Variants in NLRP9 observed in about 807,000 individuals in gnomAD.
NLRP9 encodes NACHT, LRR and PYD domains-containing protein 9.
A neutral mutation model predicts 83.1 loss-of-function variants in NLRP9; 88 were observed. The observed-to-expected ratio is 1.06, with a 90% CI of 0.89 to 1.26. NLRP9 has a LOEUF of 1.26. Ranked by LOEUF, NLRP9 falls within the 50% of genes most tolerant of loss-of-function variation. The pLI is 0.00. For synonymous variants in NLRP9, 521 were observed against 447.6 expected (o/e 1.16, Z -2.07); for missense variants, 1,308 against 1,179.3 (o/e 1.11, Z -1.60).
At chr19:55,726,785 G>C (rs1988416348) in intron 3 of NLRP9, among the ~76,000 whole-genome samples, 1 of 152,142 alleles carries the variant, frequency 6.6e-6, no homozygotes, top group Non-Finnish European at 1.5e-5. Flanking sequence ...TTGAAGGAAT[G>C]AGCTCTGGCT....
intron 8 of NLRP9, chr19:55,711,304 TA>T: frequency 1.1e-6 from 1 of 933,822 alleles, no homozygotes; most frequent in South Asian, 4.0e-5. Context: ...AAAATTAACA[TA>T]AAAAATTCAT....
Position 55,711,977 on chromosome 19 carries a change from A to C in NLRP9, c.2673-7T>G, listed in dbSNP as rs1201582245. ...GATCGGACACGTTTGCAGCCTGCAA[A>C]AGGGAAACACACCAGAGAATCCACT... On this transcript the variant is annotated splice_polypyrimidine_tract_variant and splice_region_variant and intron_variant, in intron 7 of 8. Coordinates refer to ENST00000332836, the MANE Select transcript of NLRP9 (RefSeq NM_176820.4). 7.4e-6 allele frequency: 12 copies of C among 1,611,340 alleles called. No homozygotes were observed. The highest frequency in any genetic ancestry group is 1.0e-5 in the Non-Finnish European group (12 of 1,178,730).
chr19:55,720,790 C>A (rs73933319), intron 4 of NLRP9, among the ~76,000 whole-genome samples: 2,559 of 152,210 alleles, frequency 0.017, 85 homozygotes, highest in African/African-American at 0.058. Context: ...ATTCATTCCG[C>A]AATATAAGAA....
In NLRP9 at chr19:55,711,966, G is replaced by A. The variant is rs754854135; in HGVS notation, c.2677C>T (p.Gln893Ter). Residue 893 changes from glutamine (Q) to a stop codon, truncating the protein, a stop_gained, in exon 8 of 9, where the codon CAA becomes TAA. Coordinates refer to ENST00000332836, the MANE Select transcript of NLRP9 (RefSeq NM_176820.4). LOFTEE classifies it high-confidence loss of function. ...PHCKLECLGL[Q>*]TCPITRACCD... ...CAGGCACGGGTGATCGGACACGTTT[G>A]CAGCCTGCAAAAGGGAAACACACCA... 1.1e-5 allele frequency: 17 copies of A among 1,612,136 alleles called. No homozygotes were observed. The highest frequency in any genetic ancestry group is 1.4e-5 in the Non-Finnish European group (16 of 1,179,378).
intron 3 of NLRP9, among the ~76,000 whole-genome samples, chr19:55,727,993 A>G (rs1988449936): frequency 6.6e-6 from 1 of 152,200 alleles, no homozygotes; most frequent in Non-Finnish European, 1.5e-5. Flanking sequence ...AGAAGCTTCC[A>G]AGAGTCCTCT....
intron 4 of NLRP9, among the ~76,000 whole-genome samples, chr19:55,717,271 G>T (rs907526096): frequency 1.3e-5 from 2 of 152,078 alleles, no homozygotes; most frequent in Non-Finnish European, 2.9e-5. Flanking sequence ...GACCTCAAGA[G>T]ATCTGCCCAC....
At chr19:55,717,282 C>A (rs1027827403) in intron 4 of NLRP9, among the ~76,000 whole-genome samples, 9 of 152,280 alleles carry the variant, frequency 5.9e-5, no homozygotes, top group African/African-American at 2.2e-4. Context: ...ATCTGCCCAC[C>A]TCGGCCTCCC....
At chr19:55,725,735 A>G (rs1184825672) in intron 3 of NLRP9, among the ~76,000 whole-genome samples, 1 of 152,138 alleles carries the variant, frequency 6.6e-6, no homozygotes, top group Non-Finnish European at 1.5e-5. Flanking sequence ...ACATGAAAAC[A>G]GGGAACCCAG....
At chr19:55,714,674 T>C (rs999950990) in intron 6 of NLRP9, among the ~76,000 whole-genome samples, 2 of 152,106 alleles carry the variant, frequency 1.3e-5, no homozygotes, top group African/African-American at 4.8e-5. Flanking sequence ...AACGGGTCCC[T>C]TATAGACAAC....
At chr19:55,726,244 T>C in intron 3 of NLRP9, among the ~76,000 whole-genome samples, 1 of 151,934 alleles carries the variant, frequency 6.6e-6, no homozygotes, top group Non-Finnish European at 1.5e-5. Flanking sequence ...GGGAAAACAG[T>C]CACAAAGATG....
intron 5 of NLRP9, among the ~76,000 whole-genome samples, 198 bp from the exon 6 acceptor site, chr19:55,715,423 G>A (rs979215911): frequency 6.6e-6 from 1 of 152,124 alleles, no homozygotes; most frequent in Non-Finnish European, 1.5e-5. Flanking sequence ...GGTGCCTCAC[G>A]CCTGTCATCC....
chr19:55,729,539 T>A (rs1000697753), intron 3 of NLRP9, among the ~76,000 whole-genome samples: 4 of 152,200 alleles, frequency 2.6e-5, no homozygotes, highest in African/African-American at 9.7e-5. Context: ...TCCAGCTTCG[T>A]CCATGTTCCT....
intron 4 of NLRP9, among the ~76,000 whole-genome samples, chr19:55,721,966 G>A (rs376460915): frequency 6.6e-6 from 1 of 152,142 alleles, no homozygotes; most frequent in Non-Finnish European, 1.5e-5. Flanking sequence ...CCAGTGTTGG[G>A]TATGTCTATC....
rs1007737047 is a variant in NLRP9 at position 55,734,579 on chromosome 19, A to G, written c.281-1029T>C. The stretch of plus-strand genomic sequence containing the variant: ...CACACACATATATACACACATATAC[A>G]TATATACACATATATACATACACAT... On this transcript the variant is annotated intron_variant, in intron 1 of 8. Coordinates refer to ENST00000332836, the MANE Select transcript of NLRP9 (RefSeq NM_176820.4). Among the ~76,000 whole-genome samples, 51 of 145,990 alleles carry G rather than the reference A, an allele frequency of 3.5e-4. 1 individual carries two copies. The highest frequency in any genetic ancestry group is 1.2e-3 in the African/African-American group (48 of 39,078).
At chr19:55,720,551 A>C (rs1988193046) in intron 4 of NLRP9, among the ~76,000 whole-genome samples, 1 of 152,052 alleles carries the variant, frequency 6.6e-6, no homozygotes, top group Non-Finnish European at 1.5e-5. Context: ...GCTGGTCTCC[A>C]ACTCCTGGCC....
chr19:55,709,022 C>A lies in NLRP9; in HGVS notation c.2866G>T (p.Glu956Ter). The change falls in exon 9 of 9, where the codon GAA becomes TAA. Residue 956 changes from glutamate (E) to a stop codon, truncating the protein, a stop_gained. Coordinates refer to ENST00000332836, the MANE Select transcript of NLRP9 (RefSeq NM_176820.4). LOFTEE classifies it low-confidence loss of function (END_TRUNC). ...MLGLHKSGFD[E>*]ETQKILMSVE... ...GACATCAGGATCTTCTGAGTTTCTT[C>A]ATCAAAGCCAGATTTGTGCAGCCTG... The A allele has an allele frequency of 6.3e-7, 1 of 1,576,246 alleles. No homozygotes were observed. The highest frequency in any genetic ancestry group is 2.0e-5 in the Admixed American group (1 of 49,886).
At position 55,716,738 on chromosome 19, in the gene NLRP9, C is replaced by G. The variant is rs138496520; in HGVS notation, c.2320G>C (p.Glu774Gln). The change falls in exon 5 of 9, where the codon GAG becomes CAG. Residue 774 changes from glutamate to glutamine, a missense_variant. Transcript: ENST00000332836. ...EALKHSHCAL[E>Q]RLMLMYCCLT... The stretch of plus-strand genomic sequence containing the variant: ...CGCAGACCAACTTACATCAGCCTCT[C>G]CAGGGCACAGTGTGAGTGCTTCAGG... 6.2e-7 allele frequency: 1 copy of G among 1,613,758 alleles called. No homozygotes were observed. Among genetic ancestry groups the G allele is most frequent in the South Asian group, 1.1e-5 (1 of 91,072 alleles).
chr19:55,737,115 G>C (rs944323382), intron 1 of NLRP9, among the ~76,000 whole-genome samples: 2 of 151,968 alleles, frequency 1.3e-5, no homozygotes, highest in African/African-American at 4.8e-5. Context: ...CCGAGAGGAG[G>C]GTGTAGACCC....
chr19:55,724,346 T>G (rs1225893101), intron 3 of NLRP9, among the ~76,000 whole-genome samples: 1 of 151,802 alleles, frequency 6.6e-6, no homozygotes, highest in South Asian at 2.1e-4. Flanking sequence ...CTTAGAACTT[T>G]CCTGTTTCTT....
Sources: gnomAD v4.1 joint callset for allele counts (sites outside exome capture counted in the v4.1 genomes callset) on GRCh38, gnomAD v4.1.1 for gene constraint, MANE v1.5 for transcripts, NCBI Gene and HGNC (gene_info 2026-07-23, HGNC 2026-07-21) for gene names.